Variants in SLC6A3 observed in about 807,000 individuals in gnomAD.
SLC6A3 encodes the protein sodium-dependent dopamine transporter.
SLC6A3 carries 19 observed loss-of-function variants against 70.4 expected under a neutral mutation model. That is an observed-to-expected ratio of 0.27 (90% CI 0.19 to 0.40). SLC6A3 has a LOEUF of 0.40. Ranked by LOEUF, SLC6A3 falls within the 10% of genes least tolerant of loss-of-function variation. SLC6A3 has a pLI of 1.00. For missense variants in SLC6A3, 613 were observed against 838.5 expected, an observed-to-expected ratio of 0.73 and a Z score of 3.32; for synonymous variants, 368 against 356.6, an observed-to-expected ratio of 1.03 and a Z score of -0.36.
chr5:1,444,932 C>A (rs548846353), intron 1 of SLC6A3, among the ~76,000 whole-genome samples: 17 of 152,322 alleles, frequency 1.1e-4, no homozygotes, highest in Admixed American at 2.6e-4. Context: ...CAGACAAAGC[C>A]CCCGCGAGAT....
chr5:1,400,439 G>A (rs781330837), intron 14 of SLC6A3, among the ~76,000 whole-genome samples: 27 of 152,258 alleles, frequency 1.8e-4, no homozygotes, highest in South Asian at 4.1e-4. Context: ...AACACCTGGC[G>A]TGACCATCCT....
intron 4 of SLC6A3, among the ~76,000 whole-genome samples, chr5:1,430,356 G>A (rs972723961): frequency 2.6e-5 from 4 of 152,190 alleles, no homozygotes; most frequent in South Asian, 2.1e-4. Flanking sequence ...GAAAAACGCC[G>A]GGTGGCCCCC....
In SLC6A3 at chr5:1,394,449, C is replaced by T. The variant is rs1755662657; in HGVS notation, c.*286G>A. 2 of 568,296 alleles carry T rather than the reference C, an allele frequency of 3.5e-6. No homozygotes were observed. Among genetic ancestry groups the T allele is most frequent in the African/African-American group, 3.8e-5 (2 of 53,230 alleles). The allele number at this position is 568,296 out of a possible 1,614,324, so 35.2% of individuals were successfully genotyped here. On this transcript the variant is annotated 3_prime_UTR_variant, in exon 15 of 15. Coordinates refer to ENST00000270349, the MANE Select transcript of SLC6A3 (RefSeq NM_001044.5). This position sits in a 1 kb window ranked among gnomAD's most constrained non-coding sequence, Gnocchi z 4.7. ...GAGGGAGGGAGCCTCACACAGACAG[C>T]ATGAAGTTAGACGTTTTTCTGCCCT...
Position 1,423,299 on chromosome 5 carries a change from G to A in SLC6A3, c.654-1285C>T, listed in dbSNP as rs1263836425. ...CTGCCCACGGTGCTGGGTACCCACC[G>A]CTGCCCAGTGCTGCCCATGGTGCTG... On this transcript the variant is annotated intron_variant, in intron 4 of 14. Coordinates refer to ENST00000270349, the MANE Select transcript of SLC6A3 (RefSeq NM_001044.5). 6.9e-4 allele frequency among the ~76,000 whole-genome samples: 76 copies of A among 109,670 alleles called. 1 individual carries two copies. Among genetic ancestry groups the A allele is most frequent in the African/African-American group, 2.5e-3 (71 of 28,974 alleles). 71.9% of individuals were successfully genotyped at this position (109,670 alleles called of 152,430 possible).
intron 4 of SLC6A3, among the ~76,000 whole-genome samples, chr5:1,424,263 G>A (rs1404278833): frequency 6.6e-6 from 1 of 152,254 alleles, no homozygotes; most frequent in African/African-American, 2.4e-5. Flanking sequence ...TGCAGGGAAA[G>A]TTGTCTGAGC....
At chr5:1,409,458 C>T (rs1756062008) in intron 10 of SLC6A3, among the ~76,000 whole-genome samples, 1 of 152,198 alleles carries the variant, frequency 6.6e-6, no homozygotes, top group African/African-American at 2.4e-5. Flanking sequence ...CAGCGTCCCC[C>T]AGTCCCCAAA....
intron 14 of SLC6A3, among the ~76,000 whole-genome samples, chr5:1,398,648 G>T (rs1238154494): frequency 6.6e-6 from 1 of 152,218 alleles, no homozygotes; most frequent in Non-Finnish European, 1.5e-5. Context: ...TTACTGCAAA[G>T]TTGAAAGTTA....
Position 1,405,666 on chromosome 5 carries a change from C to T in SLC6A3, c.1599+522G>A, listed in dbSNP as rs28363116. 1.9e-3 allele frequency among the ~76,000 whole-genome samples: 293 copies of T among 152,342 alleles called. No homozygotes were observed. The highest frequency in any genetic ancestry group is 9.8e-3 in the East Asian group (51 of 5,180). ...TCTATTTACAAACACCAGCGTCCGA[C>T]GGCCTTGCCCGGTGGGCCCTGACTC... On this transcript the variant is annotated intron_variant, in intron 12 of 14. Coordinates refer to ENST00000270349, the MANE Select transcript of SLC6A3 (RefSeq NM_001044.5). This position sits in a 1 kb window ranked among gnomAD's most constrained non-coding sequence, Gnocchi z 5.3.
At chr5:1,400,471 G>T (rs1017947130) in intron 14 of SLC6A3, among the ~76,000 whole-genome samples, 2 of 152,098 alleles carry the variant, frequency 1.3e-5, no homozygotes, top group Non-Finnish European at 2.9e-5. Flanking sequence ...CCAGCCCCAG[G>T]CTCCCAGGCC....
chr5:1,441,386 C>T lies in SLC6A3; in HGVS notation c.391G>A (p.Val131Ile), dbSNP rs202212242. The change falls in exon 3 of 15, where the codon GTC becomes ATC. Residue 131 changes from valine to isoleucine, a missense_variant. Physicochemically the swap from Val to Ile is conservative, Grantham distance 29. Transcript: ENST00000270349. ...TTCAGTATGGGGCAGATCTTCCAGA[C>T]ACCAGCGGCCCCTTCCCTGTTGAAC... The part of the protein sequence containing the change: ...GQFNREGAAG[V>I]WKICPILKGV... The T allele has an allele frequency of 1.9e-5, 31 of 1,614,262 alleles. No homozygotes were observed.
intron 6 of SLC6A3, among the ~76,000 whole-genome samples, chr5:1,418,200 C>T (rs552074728): frequency 1.3e-5 from 2 of 152,230 alleles, no homozygotes; most frequent in South Asian, 2.1e-4. Context: ...CACAGGGGAG[C>T]GCCTGCCTCC....
In SLC6A3 at chr5:1,444,353, CACACACAG is replaced by C. The variant is rs564010303; in HGVS notation, c.-46+987_-46+994del. Among the ~76,000 whole-genome samples, 409 of 152,242 alleles carry C rather than the reference CACACACAG, an allele frequency of 2.7e-3. 3 individuals carry two copies. Among genetic ancestry groups the C allele is most frequent in the African/African-American group, 9.3e-3 (388 of 41,522 alleles). On this transcript the variant is annotated intron_variant, in intron 1 of 14. Transcript: ENST00000270349. ...GCAGCGTGTTTCAGTCGAGCGCACG[CACACACAG>C]ACACACAGACACACACAGACTCACA...
At chr5:1,419,905 C>A (rs1756394984) in intron 6 of SLC6A3, among the ~76,000 whole-genome samples, 1 of 152,138 alleles carries the variant, frequency 6.6e-6, no homozygotes, top group African/African-American at 2.4e-5. Context: ...TGCAGCCATG[C>A]CCGCCCATCC....
rs28382222 is a variant in SLC6A3, at chr5:1,442,561, G to A, written c.286+351C>T. On this transcript the variant is annotated intron_variant, in intron 2 of 14. Coordinates refer to ENST00000270349, the MANE Select transcript of SLC6A3 (RefSeq NM_001044.5). This position sits in a 1 kb window ranked among gnomAD's most constrained non-coding sequence, Gnocchi z 5.0. ...TTTGCAAAGGCTGCCAAAGTCAGCC[G>A]CAGGCTGTTCTTTGGACCTTTGAGA... Among the ~76,000 whole-genome samples the A allele has an allele frequency of 5.5e-3, 845 of 152,304 alleles. 13 individuals carry two copies. The highest frequency in any genetic ancestry group is 0.027 in the South Asian group (130 of 4,830).
intron 4 of SLC6A3, among the ~76,000 whole-genome samples, chr5:1,431,328 A>C (rs1756696233): frequency 6.6e-6 from 1 of 152,232 alleles, no homozygotes; most frequent in Non-Finnish European, 1.5e-5. Flanking sequence ...CATCGGAGAC[A>C]TCGGGGTCCA....
In SLC6A3 at chr5:1,393,859, C is replaced by G. The variant is rs1276797937; in HGVS notation, c.*876G>C. 1.4e-5 allele frequency: 2 copies of G among 146,290 alleles called. No homozygotes were observed. The highest frequency in any genetic ancestry group is 5.5e-5 in the African/African-American group (2 of 36,504). The allele number at this position is 146,290 out of a possible 1,614,324, so 9.1% of individuals were successfully genotyped here. A position where few individuals can be genotyped will look rare whatever the true frequency, so the allele number is the denominator to read the frequency against. On this transcript the variant is annotated 3_prime_UTR_variant, in exon 15 of 15. Transcript: ENST00000270349. ...CCTGCATGCGTTCTGGGGTAGTACA[C>G]GCTCCTGTGGGGGCCCTGCATGCGT...
Position 1,421,797 on chromosome 5 carries a change from A to C in SLC6A3, c.792+79T>G. The stretch of plus-strand genomic sequence containing the variant: ...AAAACCCAACTGAGGCCACACGTGC[A>C]CCTCCTGTCCAGCCACGGCCACATG... On this transcript the variant is annotated intron_variant, in intron 5 of 14. Transcript: ENST00000270349. The surrounding 1 kb of genome is among the most constrained non-coding windows in gnomAD (Gnocchi z 7.2). 6.7e-7 allele frequency: 1 copy of C among 1,502,710 alleles called. No individual in the cohort carries two copies. The highest frequency in any genetic ancestry group is 9.2e-7 in the Non-Finnish European group (1 of 1,084,572). 93.1% of individuals were successfully genotyped at this position (1,502,710 alleles called of 1,614,324 possible).
rs1755723997 is a variant in SLC6A3, at chr5:1,396,521, AG to A, written c.1840-1764del. 2.0e-5 allele frequency among the ~76,000 whole-genome samples: 3 copies of A among 152,326 alleles called. No individual in the cohort carries two copies. The highest frequency in any genetic ancestry group is 1.3e-4 in the Admixed American group (2 of 15,294). Reference sequence around the variant, plus strand: ...AGCTGAGACGCTGGAAAGGAGAGCGAGGGAAACGGAGGTGGCTGCAGTTTGC... The same window carrying A: ...AGCTGAGACGCTGGAAAGGAGAGCGAGGAAACGGAGGTGGCTGCAGTTTGC... On this transcript the variant is annotated intron_variant, in intron 14 of 14. Coordinates refer to ENST00000270349, the MANE Select transcript of SLC6A3 (RefSeq NM_001044.5). The surrounding 1 kb of genome is among the most constrained non-coding windows in gnomAD (Gnocchi z 7.0).
At position 1,402,071 on chromosome 5, in the gene SLC6A3, G is replaced by T. The variant is rs1309028050; in HGVS notation, c.1767+851C>A. On this transcript the variant is annotated intron_variant, in intron 13 of 14. Coordinates refer to ENST00000270349, the MANE Select transcript of SLC6A3 (RefSeq NM_001044.5). The surrounding 1 kb of genome is among the most constrained non-coding windows in gnomAD (Gnocchi z 8.5). The stretch of plus-strand genomic sequence containing the variant: ...ATCTGCCACATGTCTGAGCCCAGGG[G>T]ACACCGTGTGGCCCTAAGGTGGAAT... 2.0e-5 allele frequency among the ~76,000 whole-genome samples: 3 copies of T among 152,192 alleles called. No homozygotes were observed. The highest frequency in any genetic ancestry group is 1.3e-4 in the Admixed American group (2 of 15,288).
Sources: gnomAD v4.1 joint callset for allele counts (sites outside exome capture counted in the v4.1 genomes callset) on GRCh38, gnomAD v4.1.1 for gene constraint, Gnocchi (gnomAD v3.1) non-coding constraint, MANE v1.5 for transcripts, NCBI Gene and HGNC (gene_info 2026-07-23, HGNC 2026-07-21) for gene names.